Variants in JPT2 observed in about 807,000 individuals in gnomAD.
JPT2 encodes the protein Jupiter microtubule associated homolog 2, also known as CRAMP_1 like.
Under a neutral mutation model 15.9 loss-of-function variants are expected in JPT2, and 9 were observed. That is an observed-to-expected ratio of 0.57 (90% CI 0.34 to 0.99). The LOEUF (loss-of-function observed/expected upper bound fraction) is 0.99. JPT2 is among the 50% of genes least tolerant of loss of function. The pLI is 0.02. For synonymous variants in JPT2, 95 were observed against 91.7 expected (o/e 1.04, Z -0.21); for missense variants, 267 against 252.1 (o/e 1.06, Z -0.40).
At chr16:1,696,460 G>A (rs1482306672) in intron 3 of JPT2, among the ~76,000 whole-genome samples, 5 of 151,674 alleles carry the variant, frequency 3.3e-5, no homozygotes, top group South Asian at 2.1e-4. Context: ...GGCAAAGGGC[G>A]CAGTGAGCCG....
intron 1 of JPT2, chr16:1,683,471 C>T: frequency 7.5e-7 from 1 of 1,339,696 alleles, no homozygotes; most frequent in Non-Finnish European, 1.0e-6. Flanking sequence ...TTCTTAAGTG[C>T]ACCTGTCTTT....
chr16:1,697,484 G>C (rs1256388042), intron 3 of JPT2, among the ~76,000 whole-genome samples: 1 of 150,854 alleles, frequency 6.6e-6, no homozygotes, highest in Non-Finnish European at 1.5e-5. Flanking sequence ...CCGCACTCTA[G>C]CCTGAATGAC....
Position 1,678,367 on chromosome 16 carries a change from G to GGTGCC in JPT2, c.44+12_44+13insTGCCG. 1 of 1,230,954 alleles carries GGTGCC rather than the reference G, an allele frequency of 8.1e-7. No homozygotes were observed. The highest frequency in any genetic ancestry group is 1.0e-6 in the Non-Finnish European group (1 of 985,696). The allele number at this position is 1,230,954 out of a possible 1,614,324, so 76.3% of individuals were successfully genotyped here. On this transcript the variant is annotated intron_variant, in intron 1 of 4. Coordinates refer to ENST00000248098, the MANE Select transcript of JPT2 (RefSeq NM_144570.3). Reference sequence around the variant, plus strand: ...CCGCGCCGGCTCCAGGTGCGGCGCGGGGCACACGGGAGGCGGGCGGATAGC... The same window carrying GGTGCC: ...CCGCGCCGGCTCCAGGTGCGGCGCGGGTGCCGGCACACGGGAGGCGGGCGGATAGC...
chr16:1,697,960 C>T, intron 4 of JPT2, 100 bp downstream of exon 4: 1 of 1,038,412 alleles, frequency 9.6e-7, no homozygotes, highest in Non-Finnish European at 1.5e-6. Flanking sequence ...TTTCTTTGCA[C>T]CTTCTGGGCC....
At chr16:1,694,393 G>A (rs757234076) in intron 3 of JPT2, among the ~76,000 whole-genome samples, 13 of 152,206 alleles carry the variant, frequency 8.5e-5, no homozygotes, top group Non-Finnish European at 1.6e-4. Flanking sequence ...GAAACAACAT[G>A]ACGAGAATAG....
chr16:1,688,173 G>A (rs987344216), intron 2 of JPT2, among the ~76,000 whole-genome samples: 2 of 152,226 alleles, frequency 1.3e-5, no homozygotes, highest in Non-Finnish European at 2.9e-5. Flanking sequence ...CTATAACTAG[G>A]AGTAGGTTGT....
chr16:1,693,162 C>T (rs558954559), intron 3 of JPT2, among the ~76,000 whole-genome samples: 6 of 152,246 alleles, frequency 3.9e-5, no homozygotes, highest in African/African-American at 2.4e-5. Flanking sequence ...TGCAGTGGCA[C>T]GATCTCAACT....
intron 3 of JPT2, among the ~76,000 whole-genome samples, chr16:1,695,997 G>A (rs1432996302): frequency 2.0e-5 from 3 of 152,204 alleles, no homozygotes; most frequent in South Asian, 4.1e-4. Context: ...GGGAGGCCGA[G>A]GTGGGCAGAT....
At position 1,701,037 on chromosome 16, in the gene JPT2, G is replaced by A. The variant is rs904409717; in HGVS notation, c.*2039G>A. On this transcript the variant is annotated 3_prime_UTR_variant, in exon 5 of 5. Transcript: ENST00000248098. ...TCTGTCCTGCCTTCTTTCCCTCTGC[G>A]AGGCAGTGGGGTGGGATTCAGAGTG... 2.0e-5 allele frequency: 3 copies of A among 152,232 alleles called. No individual in the cohort carries two copies. Among genetic ancestry groups the A allele is most frequent in the Non-Finnish European group, 4.4e-5 (3 of 68,058 alleles). 9.4% of individuals were successfully genotyped at this position (152,232 alleles called of 1,614,324 possible). A position where few individuals can be genotyped will look rare whatever the true frequency, so the allele number is the denominator to read the frequency against.
Position 1,698,182 on chromosome 16 carries a change from C to G in JPT2, c.385+322C>G, listed in dbSNP as rs971950082. On this transcript the variant is annotated intron_variant, in intron 4 of 4. Coordinates refer to ENST00000248098, the MANE Select transcript of JPT2 (RefSeq NM_144570.3). The surrounding 1 kb of genome is among the most constrained non-coding windows in gnomAD (Gnocchi z 4.9). ...CAAGCATAGAGCTGGCAGAACTAAT[C>G]GAGAAGAGAGGGGCACAAGAGAGGG... 2.0e-5 allele frequency among the ~76,000 whole-genome samples: 3 copies of G among 152,230 alleles called. No homozygotes were observed. In the East Asian group the frequency reaches 5.8e-4, roughly 29 times the overall value.
chr16:1,678,351 C>G lies in JPT2; in HGVS notation c.39C>G (p.Gly13=), dbSNP rs763114509. The G allele has an allele frequency of 8.1e-7, 1 of 1,232,102 alleles. No homozygotes were observed. Among genetic ancestry groups the G allele is most frequent in the Non-Finnish European group, 1.0e-6 (1 of 985,864 alleles). The allele number at this position is 1,232,102 out of a possible 1,614,324, so 76.3% of individuals were successfully genotyped here. The change falls in exon 1 of 5, where the codon GGC becomes GGG. Residue 13 remains glycine, a synonymous_variant. Coordinates refer to ENST00000248098, the MANE Select transcript of JPT2 (RefSeq NM_144570.3). ...CGGATAGCGAGGGCGGCCGCGCCGG[C>G]TCCAGGTGCGGCGCGGGGCACACGG... ...QVPDSEGGRA[G]SRAMKPPGGE...
chr16:1,683,646 T>G, intron 1 of JPT2: 2 of 1,308,810 alleles, frequency 1.5e-6, no homozygotes, highest in Non-Finnish European at 2.1e-6. Flanking sequence ...CGTGGGTCTC[T>G]GCAGGCGGAG....
Position 1,699,785 on chromosome 16 carries a change from T to C in JPT2, c.*787T>C, listed in dbSNP as rs769960161. On this transcript the variant is annotated 3_prime_UTR_variant, in exon 5 of 5. Transcript: ENST00000248098. ...CCTTAAGTTTAGGCGTTTGTTGTTC[T>C]CCAGTGATGTAGACAGTTCCCTTCA... 5.1e-5 allele frequency: 12 copies of C among 237,282 alleles called. No homozygotes were observed. Among genetic ancestry groups the C allele is most frequent in the Non-Finnish European group, 7.7e-5 (9 of 117,178 alleles). 14.7% of individuals were successfully genotyped at this position (237,282 alleles called of 1,614,324 possible).
Position 1,701,956 on chromosome 16 carries a change from G to C in JPT2, c.*2958G>C, listed in dbSNP as rs1019521444. The C allele has an allele frequency of 1.2e-5, 4 of 342,220 alleles. No individual in the cohort carries two copies. Among genetic ancestry groups the C allele is most frequent in the Non-Finnish European group, 2.4e-5 (4 of 168,672 alleles). 21.2% of individuals were successfully genotyped at this position (342,220 alleles called of 1,614,324 possible). On this transcript the variant is annotated 3_prime_UTR_variant, in exon 5 of 5. Coordinates refer to ENST00000248098, the MANE Select transcript of JPT2 (RefSeq NM_144570.3). Reference sequence around the variant, plus strand: ...ACTCGGGAGGCTGAGTGAGGCAGGAGGATCACTTGAGACCAGGAGGTTGTG... The same window carrying C: ...ACTCGGGAGGCTGAGTGAGGCAGGACGATCACTTGAGACCAGGAGGTTGTG...
intron 2 of JPT2, chr16:1,690,242 C>CGTGG (rs1484712762): frequency 6.6e-6 from 1 of 152,196 alleles, no homozygotes; most frequent in Non-Finnish European, 1.5e-5. Context: ...CTCATCTCCA[C>CGTGG]GCAAGCACAC....
In JPT2 at chr16:1,699,236, T is replaced by G; in HGVS notation, c.*238T>G. 6 of 605,016 alleles carry G rather than the reference T, an allele frequency of 9.9e-6. No homozygotes were observed. Among genetic ancestry groups the G allele is most frequent in the Non-Finnish European group, 1.2e-5 (4 of 325,836 alleles). The allele number at this position is 605,016 out of a possible 1,614,324, so 37.5% of individuals were successfully genotyped here. On this transcript the variant is annotated 3_prime_UTR_variant, in exon 5 of 5. Coordinates refer to ENST00000248098, the MANE Select transcript of JPT2 (RefSeq NM_144570.3). ...ACCCCTGGCCATCACTCATGTGTAG[T>G]CCAGGTTTGAGAGGAACTGGAAGGG...
chr16:1,682,516 A>T (rs914772582), intron 1 of JPT2, among the ~76,000 whole-genome samples: 1 of 152,112 alleles, frequency 6.6e-6, no homozygotes, highest in African/African-American at 2.4e-5. Flanking sequence ...TACTAAAAAT[A>T]GAAAAATTAG....
intron 3 of JPT2, among the ~76,000 whole-genome samples, chr16:1,693,842 A>G (rs967562243): frequency 6.6e-6 from 1 of 151,916 alleles, no homozygotes; most frequent in African/African-American, 2.4e-5. Flanking sequence ...CTTGGGGAAC[A>G]AGGTGAAGAG....
chr16:1,691,072 T>C (rs1357238906), intron 2 of JPT2, among the ~76,000 whole-genome samples: 1 of 152,244 alleles, frequency 6.6e-6, no homozygotes, highest in Non-Finnish European at 1.5e-5. Context: ...ATGATTTTAA[T>C]GACACCAACC....
Sources: allele counts gnomAD v4.1 joint callset (sites outside exome capture counted in the v4.1 genomes callset), GRCh38; gene constraint gnomAD v4.1.1; non-coding constraint Gnocchi (gnomAD v3.1); transcripts MANE v1.5; gene names NCBI Gene and HGNC (gene_info 2026-07-23, HGNC 2026-07-21).